The following KCNJ3 variants were observed in gnomAD, a reference collection of about 807,000 sequenced individuals.
KCNJ3 encodes potassium inwardly rectifying channel subfamily J member 3, also known as G protein-activated inward rectifier potassium channel 1.
Under a neutral mutation model 39.2 loss-of-function variants are expected in KCNJ3, and 4 were observed. The ratio of observed to expected loss-of-function variants is 0.10; its 90% CI spans 0.05 to 0.23. The LOEUF (loss-of-function observed/expected upper bound fraction) is 0.23, where lower values mean the gene tolerates loss of function less well. Among genes scored for constraint, KCNJ3 ranks in the 10% least tolerant of loss-of-function variants. The probability of loss-of-function intolerance (pLI) is 1.00; values close to 1 mark genes in which losing one functional copy is unlikely to be tolerated. For synonymous variants in KCNJ3, 230 were observed against 237.4 expected, an observed-to-expected ratio of 0.97 and a Z score of 0.29; for missense variants, 276 against 634.9, an observed-to-expected ratio of 0.43 and a Z score of 6.08.
Position 154,779,689 on chromosome 2 carries a change from G to A in KCNJ3, c.919+69870G>A, listed in dbSNP as rs933829925. On this transcript the variant is annotated intron_variant, in intron 2 of 2. Transcript: ENST00000295101. ...CTCCCGAGTAGCTGGGGCTACAGGC[G>A]CATGCCACCACGCCTGGCTAATTTT... 5.3e-5 allele frequency among the ~76,000 whole-genome samples: 8 copies of A among 151,304 alleles called. No individual in the cohort carries two copies. In the East Asian group the frequency reaches 7.8e-4, roughly 15 times the overall value.
intron 2 of KCNJ3, among the ~76,000 whole-genome samples, chr2:154,746,502 T>C (rs1300975089): frequency 6.6e-6 from 1 of 151,418 alleles, no homozygotes; most frequent in Non-Finnish European, 1.5e-5. Context: ...ATTTTTATTA[T>C]TGTACTGTTA....
At chr2:154,779,201 T>C (rs1686390635) in intron 2 of KCNJ3, among the ~76,000 whole-genome samples, 1 of 151,952 alleles carries the variant, frequency 6.6e-6, no homozygotes, top group Non-Finnish European at 1.5e-5. Context: ...TGCAGAATCA[T>C]TTGAGAAGTT....
chr2:154,768,286 CCTAGGTTTTCTT>C (rs1344528988), intron 2 of KCNJ3, among the ~76,000 whole-genome samples: 21 of 152,128 alleles, frequency 1.4e-4, no homozygotes, highest in African/African-American at 5.1e-4. Flanking sequence ...AATTGTATTG[CCTAGGTTTTCTT>C]CTAGGGTTTT....
At chr2:154,720,622 T>C (rs1332101579) in intron 2 of KCNJ3, among the ~76,000 whole-genome samples, 1 of 152,100 alleles carries the variant, frequency 6.6e-6, no homozygotes, top group African/African-American at 2.4e-5. Flanking sequence ...CTCTGTGCTA[T>C]ACCTTACCAT....
chr2:154,720,916 A>G (rs1477602308), intron 2 of KCNJ3, among the ~76,000 whole-genome samples: 1 of 152,124 alleles, frequency 6.6e-6, no homozygotes, highest in Non-Finnish European at 1.5e-5. Context: ...TAGAGAATGT[A>G]GAAGGAAAAT....
At chr2:154,789,859 T>C (rs1210503516) in intron 2 of KCNJ3, among the ~76,000 whole-genome samples, 2 of 151,946 alleles carry the variant, frequency 1.3e-5, no homozygotes, top group Non-Finnish European at 2.9e-5. Context: ...ATGGGGAGAA[T>C]AAGGATTTGC....
intron 2 of KCNJ3, among the ~76,000 whole-genome samples, chr2:154,780,700 A>C (rs181764564): frequency 9.2e-5 from 14 of 152,310 alleles, no homozygotes; most frequent in African/African-American, 2.9e-4. Context: ...TGTTTCATAC[A>C]TATATATCAT....
chr2:154,751,207 T>A (rs1182540405), intron 2 of KCNJ3, among the ~76,000 whole-genome samples: 1 of 152,060 alleles, frequency 6.6e-6, no homozygotes, highest in Non-Finnish European at 1.5e-5. Flanking sequence ...TTTCTAATTA[T>A]TTGAAATGGA....
At chr2:154,802,559 A>G (rs1054322396) in intron 2 of KCNJ3, among the ~76,000 whole-genome samples, 5 of 152,110 alleles carry the variant, frequency 3.3e-5, no homozygotes, top group African/African-American at 1.2e-4. Flanking sequence ...GTATATTGAC[A>G]TTTTGACTAA....
chr2:154,756,461 G>A (rs1289520793), intron 2 of KCNJ3, among the ~76,000 whole-genome samples: 1 of 152,014 alleles, frequency 6.6e-6, no homozygotes, highest in Non-Finnish European at 1.5e-5. Flanking sequence ...TATTTTCATA[G>A]TGCCATTTTC....
chr2:154,790,251 GGT>G (rs1179963504), intron 2 of KCNJ3, among the ~76,000 whole-genome samples: 1 of 152,052 alleles, frequency 6.6e-6, no homozygotes, highest in African/African-American at 2.4e-5. Context: ...TTCCATCACA[GGT>G]GATGCAGTGA....
intron 2 of KCNJ3, among the ~76,000 whole-genome samples, chr2:154,721,469 A>T (rs1685262336): frequency 6.6e-6 from 1 of 152,178 alleles, no homozygotes; most frequent in African/African-American, 2.4e-5. Context: ...AGTAGTACAA[A>T]TGCCAATTAA....
At chr2:154,837,466 A>G (rs1447274542) in intron 2 of KCNJ3, among the ~76,000 whole-genome samples, 1 of 152,170 alleles carries the variant, frequency 6.6e-6, no homozygotes, top group Admixed American at 6.5e-5. Context: ...TTCAATAATA[A>G]TTATATTCCT....
intron 2 of KCNJ3, among the ~76,000 whole-genome samples, chr2:154,790,094 T>G (rs1686601421): frequency 6.6e-6 from 1 of 152,098 alleles, no homozygotes; most frequent in East Asian, 1.9e-4. Context: ...GGGGGCATGA[T>G]CTTACTTCTT....
intron 2 of KCNJ3, among the ~76,000 whole-genome samples, chr2:154,818,615 T>A (rs1687119341): frequency 1.3e-5 from 2 of 152,272 alleles, no homozygotes; most frequent in South Asian, 4.1e-4. Flanking sequence ...AGAAAAGTCA[T>A]ACACCTAAAA....
chr2:154,811,446 C>T (rs978556115), intron 2 of KCNJ3, among the ~76,000 whole-genome samples: 2 of 152,046 alleles, frequency 1.3e-5, no homozygotes, highest in African/African-American at 4.8e-5. Flanking sequence ...ACCACCATGC[C>T]TGGCTAAATT....
At chr2:154,843,922 G>A (rs1048145173) in intron 2 of KCNJ3, among the ~76,000 whole-genome samples, 2 of 152,048 alleles carry the variant, frequency 1.3e-5, no homozygotes, top group African/African-American at 4.8e-5. Flanking sequence ...TGTTATTACC[G>A]GCCTTCTGAA....
chr2:154,843,512 T>G (rs1443446620), intron 2 of KCNJ3, among the ~76,000 whole-genome samples: 2 of 152,134 alleles, frequency 1.3e-5, no homozygotes, highest in South Asian at 2.1e-4. Flanking sequence ...AGTTCTCCTG[T>G]ATAATATCCT....
chr2:154,776,534 T>C (rs575258789), intron 2 of KCNJ3, among the ~76,000 whole-genome samples: 1 of 152,316 alleles, frequency 6.6e-6, no homozygotes, highest in South Asian at 2.1e-4. Context: ...AATTTTCAAA[T>C]CTCATTATTT....
Sources: gnomAD v4.1 joint callset for allele counts (sites outside exome capture counted in the v4.1 genomes callset) on GRCh38, gnomAD v4.1.1 for gene constraint, MANE v1.5 for transcripts, NCBI Gene and HGNC (gene_info 2026-07-23, HGNC 2026-07-21) for gene names.